CSMD1: variants seen among roughly 807,000 people sequenced by gnomAD.
CSMD1 encodes CUB and sushi domain-containing protein 1.
CSMD1 carries 213 observed loss-of-function variants against 417.5 expected under a neutral mutation model. The ratio of observed to expected loss-of-function variants is 0.51; its 90% CI spans 0.46 to 0.57. CSMD1 has a LOEUF of 0.57. Ranked by LOEUF, CSMD1 falls within the 20% of genes least tolerant of loss-of-function variation. The pLI, the probability that CSMD1 is intolerant of heterozygous loss-of-function variation, is 0.00. For synonymous variants in CSMD1, 2,862 were observed against 1,736.8 expected (o/e 1.65, Z -16.11); for missense variants, 6,923 against 4,529.7 (o/e 1.53, Z -15.17).
intron 8 of CSMD1, among the ~76,000 whole-genome samples, chr8:3,597,420 A>C (rs201814825): frequency 1.6e-5 from 1 of 64,278 alleles, no homozygotes; most frequent in Non-Finnish European, 2.6e-5. Flanking sequence ...AAAGTAGGGA[A>C]CTACTTTCAA....
In CSMD1 at chr8:4,293,790, A is replaced by G. The variant is rs57280905; in HGVS notation, c.415+126163T>C. Among the ~76,000 whole-genome samples, 1,419 of 152,350 alleles carry G rather than the reference A, an allele frequency of 9.3e-3. 19 individuals are homozygous for G. The highest frequency in any genetic ancestry group is 0.033 in the African/African-American group (1,374 of 41,586). On this transcript the variant is annotated intron_variant, in intron 3 of 69. Transcript: ENST00000635120. ...GTTTGGTACAAATAAAACAAGGAAC[A>G]TTGAAGCAAAATGAACATGCATTTC...
At chr8:2,943,979 T>C (rs1016296796) in intron 68 of CSMD1, among the ~76,000 whole-genome samples, 6 of 152,258 alleles carry the variant, frequency 3.9e-5, no homozygotes, top group African/African-American at 1.4e-4. Context: ...TCAACACCCT[T>C]TAATTTTCAT....
intron 3 of CSMD1, among the ~76,000 whole-genome samples, chr8:4,077,320 T>TATAC (rs1799884363): frequency 7.0e-6 from 1 of 141,932 alleles, no homozygotes; most frequent in African/African-American, 2.6e-5. Context: ...TATATATATA[T>TATAC]ATGGTAGACA....
Position 4,802,151 on chromosome 8 carries a change from T to A in CSMD1, c.86-164593A>T, listed in dbSNP as rs1027651246. Among the ~76,000 whole-genome samples, 10 of 152,274 alleles carry A rather than the reference T, an allele frequency of 6.6e-5. No individual in the cohort carries two copies. In the South Asian group the frequency reaches 1.0e-3, roughly 16 times the overall value. On this transcript the variant is annotated intron_variant, in intron 1 of 69. Coordinates refer to ENST00000635120, the MANE Select transcript of CSMD1 (RefSeq NM_033225.6). ...GAGGGATCTCAAAATCGAAGAGCAA[T>A]TGCACAAAGGAACTCATTTAGATTA...
chr8:3,793,488 C>A (rs964795115), intron 5 of CSMD1, among the ~76,000 whole-genome samples: 1 of 150,608 alleles, frequency 6.6e-6, no homozygotes, highest in East Asian at 2.0e-4. Context: ...GCCAAGCCAG[C>A]CCTCTTGTGC....
At chr8:3,384,014 A>G (rs998705800) in intron 18 of CSMD1, among the ~76,000 whole-genome samples, 9 of 152,108 alleles carry the variant, frequency 5.9e-5, no homozygotes, top group African/African-American at 2.2e-4. Context: ...CATAACCACT[A>G]GTGCCAGACA....
chr8:4,017,036 A>C (rs1026986124), intron 4 of CSMD1, among the ~76,000 whole-genome samples: 2 of 152,216 alleles, frequency 1.3e-5, no homozygotes, highest in Non-Finnish European at 2.9e-5. Flanking sequence ...GCCACATCAT[A>C]AAGGAACAAA....
chr8:4,850,855 G>T (rs1290308848), intron 1 of CSMD1, among the ~76,000 whole-genome samples: 1 of 151,904 alleles, frequency 6.6e-6, no homozygotes, highest in African/African-American at 2.4e-5. Flanking sequence ...AATAAAGTAT[G>T]TTTAGTCCTC....
intron 9 of CSMD1, among the ~76,000 whole-genome samples, chr8:3,580,367 G>A (rs1234426720): frequency 6.6e-6 from 1 of 152,050 alleles, no homozygotes; most frequent in Admixed American, 6.6e-5. Flanking sequence ...TTTGACGAAC[G>A]GCATAAATGG....
At position 3,029,432 on chromosome 8, in the gene CSMD1, C is replaced by T; in HGVS notation, c.7742G>A (p.Gly2581Asp). Residue 2581 changes from glycine to aspartate, a missense_variant, in exon 51 of 70, where the codon GGT (glycine) becomes GAT (aspartate). Gly to Asp is a moderately conservative substitution (Grantham distance 94). Transcript: ENST00000635120. ...RLVSGSLNEY[G>D]AQVLLSCSPG... ...ACTGCAGCTCAGCAATACTTGAGCA[C>T]CGTACTCATTCAAGGATCCTGAAAC... The T allele has an allele frequency of 1.2e-6, 2 of 1,610,640 alleles. No individual in the cohort carries two copies. Among genetic ancestry groups the T allele is most frequent in the Non-Finnish European group, 1.7e-6 (2 of 1,178,806 alleles).
rs759411044 is a variant in CSMD1 at position 4,452,483 on chromosome 8, C to G, written c.303-32418G>C. Among the ~76,000 whole-genome samples, 4 of 152,176 alleles carry G rather than the reference C, an allele frequency of 2.6e-5. No homozygotes were observed. The South Asian group carries it at 8.3e-4, about 31-fold the overall frequency. On this transcript the variant is annotated intron_variant, in intron 2 of 69. Transcript: ENST00000635120. The stretch of plus-strand genomic sequence containing the variant: ...CATTACCCACTCATATTTGAGCAAA[C>G]CATGACCTGCTAACTACAGCTTTAA...
chr8:3,259,773 TACTGGA>T (rs1800919655), intron 26 of CSMD1, among the ~76,000 whole-genome samples: 1 of 152,254 alleles, frequency 6.6e-6, no homozygotes, highest in African/African-American at 2.4e-5. Context: ...GCAAACTGTA[TACTGGA>T]AATCAAATCT....
rs1486079850 is a variant in CSMD1 at position 4,718,448 on chromosome 8, A to G, written c.86-80890T>C. Among the ~76,000 whole-genome samples the G allele has an allele frequency of 3.9e-5, 6 of 152,214 alleles. No homozygotes were observed. In the East Asian group the frequency reaches 1.2e-3, roughly 29 times the overall value. On this transcript the variant is annotated intron_variant, in intron 1 of 69. Coordinates refer to ENST00000635120, the MANE Select transcript of CSMD1 (RefSeq NM_033225.6). ...AGGCTGATTCTTAAGCAGGAATGAA[A>G]TCTTAGAAACATCACTCCTGAAGAC...
chr8:4,955,061 G>C (rs540962991), intron 1 of CSMD1, among the ~76,000 whole-genome samples: 1 of 152,226 alleles, frequency 6.6e-6, no homozygotes, highest in African/African-American at 2.4e-5. Flanking sequence ...TATGTCAGTG[G>C]CTCTCAAAAT....
chr8:3,387,380 T>C (rs1811069611), intron 18 of CSMD1, 114 bp downstream of exon 18: 6 of 788,446 alleles, frequency 7.6e-6, no homozygotes, highest in Non-Finnish European at 9.9e-6. Context: ...CAGAGGGAAC[T>C]CACGCCAGTC....
At chr8:4,836,338 T>G (rs776239339) in intron 1 of CSMD1, among the ~76,000 whole-genome samples, 4 of 152,198 alleles carry the variant, frequency 2.6e-5, no homozygotes, top group Non-Finnish European at 4.4e-5. Flanking sequence ...CATTTCCATG[T>G]CTTATGAAGA....
intron 2 of CSMD1, among the ~76,000 whole-genome samples, chr8:4,614,460 T>G (rs1317852719): frequency 2.0e-5 from 3 of 152,174 alleles, no homozygotes; most frequent in Non-Finnish European, 2.9e-5. Flanking sequence ...TATTTGGGCC[T>G]TAGTAAATTA....
At chr8:4,629,398 T>C (rs1021462498) in intron 2 of CSMD1, among the ~76,000 whole-genome samples, 6 of 152,212 alleles carry the variant, frequency 3.9e-5, no homozygotes, top group African/African-American at 9.6e-5. Context: ...GGTTCGAATA[T>C]ACTTACTGGC....
intron 5 of CSMD1, among the ~76,000 whole-genome samples, chr8:3,908,743 C>A (rs2129138021): frequency 6.6e-6 from 1 of 152,234 alleles, no homozygotes; most frequent in East Asian, 1.9e-4. Flanking sequence ...TATTAATATA[C>A]CTTCCAAAGG....
Sources: gnomAD v4.1 joint callset for allele counts (sites outside exome capture counted in the v4.1 genomes callset) on GRCh38, gnomAD v4.1.1 for gene constraint, MANE v1.5 for transcripts, NCBI Gene and HGNC (gene_info 2026-07-23, HGNC 2026-07-21) for gene names.